The following CAST variants were observed in gnomAD, a reference collection of about 807,000 sequenced individuals.
CAST encodes calpastatin.
A neutral mutation model predicts 119.6 loss-of-function variants in CAST; 76 were observed. The observed-to-expected ratio is 0.64, with a 90% CI of 0.53 to 0.77. The LOEUF (loss-of-function observed/expected upper bound fraction) is 0.77, where lower values mean the gene tolerates loss of function less well. Among genes scored for constraint, CAST ranks in the 30% least tolerant of loss-of-function variants. The pLI, the probability that CAST is intolerant of heterozygous loss-of-function variation, is 0.00. For synonymous variants in CAST, 319 were observed against 331.6 expected (o/e 0.96, Z 0.41); for missense variants, 953 against 946.5 (o/e 1.01, Z -0.09).
chr5:96,242,493 G>C, the CAST span, among the ~76,000 whole-genome samples: 1 of 152,124 alleles, frequency 6.6e-6, no homozygotes, highest in Non-Finnish European at 1.5e-5. Context: ...AAGTGTGTTT[G>C]CTCTCTGCTG....
Position 96,736,171 on chromosome 5 carries a change from G to GA in CAST, c.636dup (p.Glu213ArgfsTer12), listed in dbSNP as rs750937315. 7 of 1,605,680 alleles carry GA rather than the reference G, an allele frequency of 4.4e-6. No individual in the cohort carries two copies. The highest frequency in any genetic ancestry group is 6.0e-6 in the Non-Finnish European group (7 of 1,174,706). ...GTTGTTAATTTCTCAATTCTCACCAGAAAAAAGAAAAGAAATCATTAACCC... is the reference window on the plus strand; with the variant it reads ...GTTGTTAATTTCTCAATTCTCACCAGAAAAAAAGAAAAGAAATCATTAACCC... On this transcript the variant is annotated frameshift_variant and splice_region_variant. Coordinates refer to ENST00000675179, the MANE Select transcript of CAST (RefSeq NM_001750.7). LOFTEE classifies it high-confidence loss of function.
At chr5:96,392,299 G>T in the CAST span, 1 of 152,164 alleles carries the variant, frequency 6.6e-6, no homozygotes, top group African/African-American at 2.4e-5. Flanking sequence ...CATGCAGCAC[G>T]AGTCATAACC....
the CAST span, among the ~76,000 whole-genome samples, chr5:96,389,021 G>A: frequency 6.6e-6 from 1 of 151,534 alleles, no homozygotes; most frequent in African/African-American, 2.4e-5. Flanking sequence ...GCTGCATAAT[G>A]TCACTTATAT....
the CAST span, among the ~76,000 whole-genome samples, chr5:96,376,655 G>A: frequency 3.3e-5 from 5 of 152,044 alleles, no homozygotes; most frequent in East Asian, 5.8e-4. Flanking sequence ...GGGCCAGGCC[G>A]GTCTTGAACT....
At chr5:96,170,219 C>T in the CAST span, among the ~76,000 whole-genome samples, 1 of 152,178 alleles carries the variant, frequency 6.6e-6, no homozygotes, top group Non-Finnish European at 1.5e-5. Context: ...GTTCCAGGGG[C>T]TCTGGGAGTG....
At chr5:96,498,574 G>A in the CAST span, among the ~76,000 whole-genome samples, 1 of 152,170 alleles carries the variant, frequency 6.6e-6, no homozygotes, top group South Asian at 2.1e-4. Flanking sequence ...CAGGTTTAAG[G>A]CTATGGATCT....
At chr5:96,352,949 T>TA in the CAST span, among the ~76,000 whole-genome samples, 452 of 152,270 alleles carry the variant, frequency 3.0e-3, 1 homozygote, top group African/African-American at 0.01. Context: ...GAGGCCTCTC[T>TA]AGTCATGCAG....
At chr5:96,078,712 C>G in the CAST span, among the ~76,000 whole-genome samples, 1 of 152,176 alleles carries the variant, frequency 6.6e-6, no homozygotes, top group Non-Finnish European at 1.5e-5. Context: ...AAATCAATCA[C>G]TAAGCATAAT....
upstream of CAST, among the ~76,000 whole-genome samples, chr5:96,521,062 G>A (rs976394025): frequency 1.3e-5 from 2 of 152,086 alleles, no homozygotes; most frequent in African/African-American, 2.4e-5. Flanking sequence ...TTCAGGCTGC[G>A]CTAAGCCCAA....
chr5:96,422,465 G>T, the CAST span, among the ~76,000 whole-genome samples: 1 of 152,132 alleles, frequency 6.6e-6, no homozygotes. Context: ...TTGAGAGAGG[G>T]TGCTTGAAAT....
At chr5:96,442,108 C>A in the CAST span, among the ~76,000 whole-genome samples, 1 of 152,202 alleles carries the variant, frequency 6.6e-6, no homozygotes, top group Non-Finnish European at 1.5e-5. Flanking sequence ...TCTCACAGAG[C>A]TAACACCAGA....
chr5:95,971,353 C>T, the CAST span, among the ~76,000 whole-genome samples: 1 of 152,036 alleles, frequency 6.6e-6, no homozygotes, highest in African/African-American at 2.4e-5. Context: ...AGAAGCATGG[C>T]ATTGGAAATG....
the CAST span, among the ~76,000 whole-genome samples, chr5:96,098,214 C>T: frequency 1.3e-5 from 2 of 152,150 alleles, no homozygotes; most frequent in South Asian, 2.1e-4. Context: ...CTTATAGATG[C>T]TAGATATTAG....
the CAST span, among the ~76,000 whole-genome samples, chr5:96,349,843 GGA>G: frequency 1.1e-3 from 161 of 152,110 alleles, 1 homozygote; most frequent in African/African-American, 3.7e-3. Context: ...AAGTTGGAAT[GGA>G]GAGAGAGAGA....
chr5:95,998,230 T>C, the CAST span, among the ~76,000 whole-genome samples: 1 of 152,072 alleles, frequency 6.6e-6, no homozygotes, highest in African/African-American at 2.4e-5. Flanking sequence ...ATGTATCAAG[T>C]GACAATTTTC....
At chr5:95,989,684 CT>C in the CAST span, among the ~76,000 whole-genome samples, 5 of 151,120 alleles carry the variant, frequency 3.3e-5, no homozygotes, top group Non-Finnish European at 5.9e-5. Flanking sequence ...TAAATGTCTT[CT>C]TTTTTTTTAA....
intron 3 of CAST, chr5:96,702,968 AG>A: frequency 1.0e-6 from 1 of 984,814 alleles, no homozygotes; most frequent in Non-Finnish European, 1.2e-6. Context: ...TCCCGGGTCT[AG>A]GGCCTGTGCC....
the CAST span, among the ~76,000 whole-genome samples, chr5:96,294,823 G>T: frequency 2.0e-5 from 3 of 152,170 alleles, no homozygotes; most frequent in African/African-American, 7.2e-5. Context: ...CAGCATAGAG[G>T]CCTTCTCACT....
chr5:96,709,507 T>C (rs528547131), intron 3 of CAST, among the ~76,000 whole-genome samples: 1 of 152,370 alleles, frequency 6.6e-6, no homozygotes, highest in Admixed American at 6.5e-5. Context: ...TTTTATTCAG[T>C]ATTCTCATGT....
Sources: allele counts gnomAD v4.1 joint callset (sites outside exome capture counted in the v4.1 genomes callset), GRCh38; gene constraint gnomAD v4.1.1; transcripts MANE v1.5; gene names NCBI Gene and HGNC (gene_info 2026-07-23, HGNC 2026-07-21).